The following DENND3 variants were observed in gnomAD, a reference collection of about 807,000 sequenced individuals.
The protein encoded by DENND3 is DENN domain containing 3.
In DENND3, 88 loss-of-function variants were observed where a neutral mutation model predicts 135.1. The observed-to-expected ratio is 0.65, with a 90% CI of 0.55 to 0.78. The LOEUF (loss-of-function observed/expected upper bound fraction) is 0.78, where lower values mean the gene tolerates loss of function less well. Among genes scored for constraint, DENND3 ranks in the 30% least tolerant of loss-of-function variants. The pLI, the probability that DENND3 is intolerant of heterozygous loss-of-function variation, is 0.00. For synonymous variants in DENND3, 693 were observed against 712.3 expected (o/e 0.97, Z 0.43); for missense variants, 1,392 against 1,688.4 (o/e 0.82, Z 3.08).
chr8:141,136,571 T>A lies in DENND3; in HGVS notation c.165T>A (p.Ile55=). ...TTCTTGATCCAGAGGTCCTGTCCAT[T>A]TTCGTGCCTCCTTTTATCAGTAAAG... is the stretch of plus-strand genomic sequence containing the variant. ...SALLDPEVLS[I]FVPPFISKED... The change falls in exon 2 of 23, where the codon ATT becomes ATA. Residue 55 remains isoleucine (I), a synonymous_variant. Coordinates refer to ENST00000519811, the MANE Select transcript of DENND3 (RefSeq NM_001352890.3). 2 of 1,569,592 alleles carry A rather than the reference T, an allele frequency of 1.3e-6. No individual in the cohort carries two copies. Among genetic ancestry groups the A allele is most frequent in the Non-Finnish European group, 1.7e-6 (2 of 1,157,024 alleles).
In DENND3 at chr8:141,141,673, T is replaced by C; in HGVS notation, c.623+349T>C. On this transcript the variant is annotated intron_variant, in intron 4 of 22. Transcript: ENST00000519811. The surrounding 1 kb of genome is among the most constrained non-coding windows in gnomAD (Gnocchi z 5.3). ...GTTTAGTTTTTCACAAAAAGGCATATATTAGGAAAAACTCTTTTCCTAGCT... is the reference window on the plus strand; with the variant it reads ...GTTTAGTTTTTCACAAAAAGGCATACATTAGGAAAAACTCTTTTCCTAGCT... The C allele has an allele frequency of 4.0e-6, 1 of 251,910 alleles. No homozygotes were observed. Among genetic ancestry groups the C allele is most frequent in the Non-Finnish European group, 7.9e-6 (1 of 126,744 alleles). 15.6% of individuals were successfully genotyped at this position (251,910 alleles called of 1,614,324 possible).
rs1039086348 is a variant in DENND3, at chr8:141,192,426, C to T, written c.3475C>T (p.Leu1159=). 2 of 1,614,138 alleles carry T rather than the reference C, an allele frequency of 1.2e-6. No individual in the cohort carries two copies. Among genetic ancestry groups the T allele is most frequent in the Non-Finnish European group, 1.7e-6 (2 of 1,180,050 alleles). ...ENFKDTSTSF[L]AFQLLPEEEQ... ...CTTCAAAGACACCAGTACCTCCTTCCTGGCCTTCCAGCTCCTTCCTGAGGT... is the reference window on the plus strand; with the variant it reads ...CTTCAAAGACACCAGTACCTCCTTCTTGGCCTTCCAGCTCCTTCCTGAGGT... The change falls in exon 21 of 23, where the codon CTG becomes TTG. Residue 1159 remains leucine (L), a synonymous_variant. Transcript: ENST00000519811.
At chr8:141,152,826 T>G (rs1269397865) in intron 7 of DENND3, among the ~76,000 whole-genome samples, 3 of 152,196 alleles carry the variant, frequency 2.0e-5, no homozygotes, top group Non-Finnish European at 4.4e-5. Flanking sequence ...ACTGCTAAGC[T>G]GTTTTCGCAA....
chr8:141,148,737 A>G (rs1818445311), intron 5 of DENND3, among the ~76,000 whole-genome samples: 2 of 149,744 alleles, frequency 1.3e-5, no homozygotes, highest in South Asian at 4.2e-4. Flanking sequence ...AGTGATTAGC[A>G]TTTGTATTTT....
rs1289415847 is a variant in DENND3 at position 141,137,505 on chromosome 8, T to A, written c.386-517T>A. ...ATCTGCAGCGGTTCCACCCCCAGTG[T>A]GCCTGAGCCTCTCCCTTCCACCTCC... On this transcript the variant is annotated intron_variant, in intron 2 of 22. Transcript: ENST00000519811. This position sits in a 1 kb window ranked among gnomAD's most constrained non-coding sequence, Gnocchi z 4.1. Among the ~76,000 whole-genome samples, 1 of 152,192 alleles carries A rather than the reference T, an allele frequency of 6.6e-6. No homozygotes were observed. The highest frequency in any genetic ancestry group is 2.4e-5 in the African/African-American group (1 of 41,436).
chr8:141,189,748 G>C (rs1824440013), intron 19 of DENND3, among the ~76,000 whole-genome samples: 2 of 152,230 alleles, frequency 1.3e-5, no homozygotes, highest in Non-Finnish European at 2.9e-5. Context: ...CTGTTGGGGT[G>C]GGTAGGGAGG....
At chr8:141,160,470 G>T (rs1407907455) in intron 8 of DENND3, among the ~76,000 whole-genome samples, 162 bp from the exon 9 acceptor site, 2 of 152,192 alleles carry the variant, frequency 1.3e-5, no homozygotes, top group Non-Finnish European at 2.9e-5. Context: ...GTGAGCCACC[G>T]CGTCCAGCCC....
chr8:141,193,912 C>T, intron 22 of DENND3, 121 bp from the exon 23 acceptor site: 1 of 1,136,798 alleles, frequency 8.8e-7, no homozygotes, highest in Admixed American at 2.2e-5. Flanking sequence ...CGGCAGAGGC[C>T]CTGTCCAGGA....
At chr8:141,161,887 G>A (rs142841064) in intron 9 of DENND3, among the ~76,000 whole-genome samples, 142 of 143,628 alleles carry the variant, frequency 9.9e-4, no homozygotes, top group African/African-American at 3.1e-3. Flanking sequence ...TGCAACTGCC[G>A]CCTCCCAAGT....
rs1817749398 is a variant in DENND3, at chr8:141,143,905, CAG to C, written c.624-240_624-239del. The C allele has an allele frequency of 3.7e-5, 15 of 400,466 alleles. No homozygotes were observed. The South Asian group carries it at 5.2e-4, about 14-fold the overall frequency. The allele number at this position is 400,466 out of a possible 1,614,324, so 24.8% of individuals were successfully genotyped here. ...TGTAACTAGCACCCAGATGAGGAAA[CAG>C]AGCATGACCAGGACTTCCCCTTCCA... On this transcript the variant is annotated intron_variant, in intron 4 of 22. Coordinates refer to ENST00000519811, the MANE Select transcript of DENND3 (RefSeq NM_001352890.3).
rs73362440 is a variant in DENND3 at position 141,150,824 on chromosome 8, G to A, written c.736-10G>A. On this transcript the variant is annotated splice_polypyrimidine_tract_variant and intron_variant, in intron 5 of 22. Transcript: ENST00000519811. ...CTCTCTGAACTAATGACGGGAACTG[G>A]TTGTCGTAGGTATTTAACATGAAGT... 2.8e-3 allele frequency: 4,423 copies of A among 1,587,276 alleles called. 100 individuals carry two copies. In the African/African-American group the frequency reaches 0.053, roughly 19 times the overall value.
intron 7 of DENND3, among the ~76,000 whole-genome samples, chr8:141,153,096 T>C (rs536109510): frequency 2.2e-4 from 33 of 148,590 alleles, no homozygotes; most frequent in Admixed American, 4.6e-4. Context: ...ATCTTTCTTT[T>C]TTTTTTTTTT....
Position 141,138,664 on chromosome 8 carries a change from G to A in DENND3, c.501+527G>A, listed in dbSNP as rs914317989. On this transcript the variant is annotated intron_variant, in intron 3 of 22. Coordinates refer to ENST00000519811, the MANE Select transcript of DENND3 (RefSeq NM_001352890.3). The surrounding 1 kb of genome is among the most constrained non-coding windows in gnomAD (Gnocchi z 4.8). ...GCCTCCCAAAGTGCTGGGATTACAG[G>A]TGTGAGCGCTGCGCCCGGCCGGCTA... 2.0e-5 allele frequency among the ~76,000 whole-genome samples: 3 copies of A among 152,176 alleles called. No individual in the cohort carries two copies. The highest frequency in any genetic ancestry group is 7.2e-5 in the African/African-American group (3 of 41,440).
Position 141,176,762 on chromosome 8 carries a change from G to A in DENND3, c.2706+1G>A, listed in dbSNP as rs889353036. 1.2e-6 allele frequency: 2 copies of A among 1,612,454 alleles called. No homozygotes were observed. Among genetic ancestry groups the A allele is most frequent in the Non-Finnish European group, 1.7e-6 (2 of 1,178,822 alleles). ...GAAGAAGCTGGCCGATGACCACAAG[G>A]TGGGAGACGCGGGTCCCCTCTGCCC... On this transcript the variant is annotated splice_donor_variant, in intron 15 of 22. Transcript: ENST00000519811. LOFTEE classifies it high-confidence loss of function.
At position 141,156,169 on chromosome 8, in the gene DENND3, G is replaced by A. The variant is rs1312461676; in HGVS notation, c.1196+199G>A. 7.9e-5 allele frequency among the ~76,000 whole-genome samples: 12 copies of A among 151,956 alleles called. No homozygotes were observed. The East Asian group carries it at 1.7e-3, about 22-fold the overall frequency. Reference sequence around the variant, plus strand: ...GGCTGGAGTGCAGTGGCGCAATCTCGGCTCACTGCAACCTCTGCCTCCCAC... The same window carrying A: ...GGCTGGAGTGCAGTGGCGCAATCTCAGCTCACTGCAACCTCTGCCTCCCAC... On this transcript the variant is annotated intron_variant, in intron 8 of 22. Coordinates refer to ENST00000519811, the MANE Select transcript of DENND3 (RefSeq NM_001352890.3).
chr8:141,181,230 C>T (rs892952100), intron 17 of DENND3, among the ~76,000 whole-genome samples: 1 of 152,162 alleles, frequency 6.6e-6, no homozygotes, highest in South Asian at 2.1e-4. Context: ...TGAATCTTGG[C>T]TCACTGCATC....
chr8:141,176,518 C>G, intron 14 of DENND3, 73 bp from the exon 15 acceptor site: 1 of 1,577,364 alleles, frequency 6.3e-7, no homozygotes, highest in Non-Finnish European at 8.7e-7. Context: ...AGAGCCCGCT[C>G]TGCCTCTGTC....
At chr8:141,188,805 T>C (rs1824281806) in intron 18 of DENND3, 181 bp from the exon 19 acceptor site, 6 of 681,134 alleles carry the variant, frequency 8.8e-6, no homozygotes, top group East Asian at 2.8e-5. Flanking sequence ...AGAACAAGGT[T>C]ATGCACTGAT....
In DENND3 at chr8:141,168,616, G is replaced by A; in HGVS notation, c.2275+91G>A. On this transcript the variant is annotated intron_variant, in intron 13 of 22. Coordinates refer to ENST00000519811, the MANE Select transcript of DENND3 (RefSeq NM_001352890.3). The surrounding 1 kb of genome is among the most constrained non-coding windows in gnomAD (Gnocchi z 6.2). Reference sequence around the variant, plus strand: ...AGGCTGGAGTGGACTGGCAATCACAGCTCACTGCAACCTCCACCTCCTGGG... The same window carrying A: ...AGGCTGGAGTGGACTGGCAATCACAACTCACTGCAACCTCCACCTCCTGGG... 1 of 1,457,392 alleles carries A rather than the reference G, an allele frequency of 6.9e-7. No homozygotes were observed. The highest frequency in any genetic ancestry group is 9.1e-7 in the Non-Finnish European group (1 of 1,092,924). 90.3% of individuals were successfully genotyped at this position (1,457,392 alleles called of 1,614,324 possible).
Sources: allele counts gnomAD v4.1 joint callset (sites outside exome capture counted in the v4.1 genomes callset), GRCh38; gene constraint gnomAD v4.1.1; non-coding constraint Gnocchi (gnomAD v3.1); transcripts MANE v1.5; gene names NCBI Gene and HGNC (gene_info 2026-07-23, HGNC 2026-07-21).